ATF7: variants seen among roughly 807,000 people sequenced by gnomAD.
ATF7 encodes the protein cyclic AMP-dependent transcription factor ATF-7.
Under a neutral mutation model 50.4 loss-of-function variants are expected in ATF7, and 10 were observed. The observed-to-expected ratio is 0.20, with a 90% confidence interval of 0.12 to 0.34. The LOEUF is 0.34. Ranked by LOEUF, ATF7 falls within the 10% of genes least tolerant of loss-of-function variation. The probability of loss-of-function intolerance (pLI) is 1.00; values close to 1 mark genes in which losing one functional copy is unlikely to be tolerated. For synonymous variants in ATF7, 201 were observed against 226.4 expected, an observed-to-expected ratio of 0.89 and a Z score of 1.01; for missense variants, 465 against 613.9, an observed-to-expected ratio of 0.76 and a Z score of 2.56.
chr12:53,534,150 G>A (rs1055884406), intron 6 of ATF7, among the ~76,000 whole-genome samples: 4 of 152,004 alleles, frequency 2.6e-5, no homozygotes, highest in South Asian at 2.1e-4. Context: ...GGTTGCAGGC[G>A]CCTGTGTTCC....
intron 2 of ATF7, among the ~76,000 whole-genome samples, chr12:53,573,621 A>G (rs149393928): frequency 6.6e-6 from 1 of 152,204 alleles, no homozygotes; most frequent in East Asian, 1.9e-4. Context: ...AGGGTTTGGT[A>G]CTATCTGGTT....
chr12:53,606,553 C>T (rs373086302), intron 1 of ATF7, among the ~76,000 whole-genome samples: 2 of 151,486 alleles, frequency 1.3e-5, no homozygotes, highest in African/African-American at 2.4e-5. Flanking sequence ...TGGCCTGGCA[C>T]GTTTTTTTTT....
intron 1 of ATF7, among the ~76,000 whole-genome samples, chr12:53,621,425 A>T (rs1944372899): frequency 6.6e-6 from 1 of 152,208 alleles, no homozygotes; most frequent in Non-Finnish European, 1.5e-5. Flanking sequence ...GACATTATCA[A>T]GCTAAAACAA....
intron 11 of ATF7, among the ~76,000 whole-genome samples, chr12:53,521,976 A>G (rs1337819837): frequency 1.3e-5 from 2 of 152,254 alleles, no homozygotes; most frequent in Non-Finnish European, 2.9e-5. Context: ...ACAATATATC[A>G]AAGTTTGAGA....
chr12:53,527,030 A>G (rs1344974928), intron 9 of ATF7, among the ~76,000 whole-genome samples: 2 of 150,278 alleles, frequency 1.3e-5, no homozygotes, highest in Non-Finnish European at 3.0e-5. Flanking sequence ...ATGGTGGCGC[A>G]TGCCTGTAAT....
In ATF7 at chr12:53,516,888, G is replaced by A. The variant is rs1937737524; in HGVS notation, c.*249C>T. 2 of 551,286 alleles carry A rather than the reference G, an allele frequency of 3.6e-6. No homozygotes were observed. Among genetic ancestry groups the A allele is most frequent in the Non-Finnish European group, 6.5e-6 (2 of 305,460 alleles). The allele number at this position is 551,286 out of a possible 1,614,324, so 34.1% of individuals were successfully genotyped here. On this transcript the variant is annotated 3_prime_UTR_variant, in exon 12 of 12. Coordinates refer to ENST00000420353, the MANE Select transcript of ATF7 (RefSeq NM_006856.3). ...GGACCATCTGGAAAGGCCTTTGGCT[G>A]TGGATGCATCAGAAACCCCACCCTG...
chr12:53,509,089 G>C (rs1944078892), downstream of ATF7, among the ~76,000 whole-genome samples: 1 of 152,166 alleles, frequency 6.6e-6, no homozygotes, highest in Non-Finnish European at 1.5e-5. Flanking sequence ...TCTCTAGCTT[G>C]TGCTGAGGAA....
intron 2 of ATF7, among the ~76,000 whole-genome samples, chr12:53,595,694 A>C (rs1943122589): frequency 6.6e-6 from 1 of 152,188 alleles, no homozygotes; most frequent in Non-Finnish European, 1.5e-5. Context: ...CAGGACTACA[A>C]CACCATAAAC....
chr12:53,582,287 C>G (rs982952809), intron 2 of ATF7, among the ~76,000 whole-genome samples: 1 of 150,740 alleles, frequency 6.6e-6, no homozygotes, highest in East Asian at 2.0e-4. Context: ...CGAGATCATG[C>G]CACTACACTC....
At chr12:53,521,119 AG>A (rs1389817766) in intron 11 of ATF7, among the ~76,000 whole-genome samples, 3 of 152,036 alleles carry the variant, frequency 2.0e-5, no homozygotes, top group African/African-American at 7.2e-5. Context: ...CAGGCTCCCA[AG>A]TAGCTGGGAT....
At chr12:53,555,299 T>C (rs895038730) in intron 2 of ATF7, among the ~76,000 whole-genome samples, 17 of 147,734 alleles carry the variant, frequency 1.2e-4, no homozygotes, top group Non-Finnish European at 2.1e-4. Context: ...CACTCCAGCC[T>C]GGGCAACAAC....
intron 9 of ATF7, among the ~76,000 whole-genome samples, chr12:53,526,208 CA>C (rs558563596): frequency 0.045 from 5,470 of 120,926 alleles, 173 homozygotes; most frequent in East Asian, 0.21. Flanking sequence ...AACTCGGTCT[CA>C]AAAAAAAAAA....
At chr12:53,581,128 AAAAAAT>A (rs1207600919) in intron 2 of ATF7, among the ~76,000 whole-genome samples, 2 of 151,948 alleles carry the variant, frequency 1.3e-5, no homozygotes, top group Non-Finnish European at 2.9e-5. Flanking sequence ...AAAAATAAAT[AAAAAAT>A]AAAAATAAAA....
chr12:53,517,338 G>A lies in ATF7; in HGVS notation c.1251C>T (p.Ser417=). The A allele has an allele frequency of 6.2e-7, 1 of 1,613,592 alleles. No individual in the cohort carries two copies. The highest frequency in any genetic ancestry group is 8.5e-7 in the Non-Finnish European group (1 of 1,179,732). The part of the protein sequence containing the change: ...TQGYLESPKE[S]SEPTGSPAPV... The stretch of plus-strand genomic sequence containing the variant: ...GGGCTGGAGAACCCGTTGGCTCTGA[G>A]CTTTCCTTGGGGCTTTCTGCCAGGA... The change falls in exon 12 of 12, where the codon AGC becomes AGT. Residue 417 remains serine (S), a synonymous_variant. Coordinates refer to ENST00000420353, the MANE Select transcript of ATF7 (RefSeq NM_006856.3).
At chr12:53,574,841 C>T (rs1458027281) in intron 2 of ATF7, 3 of 325,280 alleles carry the variant, frequency 9.2e-6, no homozygotes, top group Non-Finnish European at 1.2e-5. Flanking sequence ...AAGAAATAGA[C>T]ATATATTAAA....
chr12:53,605,302 T>C (rs778766767), intron 1 of ATF7, among the ~76,000 whole-genome samples: 3 of 151,202 alleles, frequency 2.0e-5, no homozygotes. Flanking sequence ...GGCAGGAGAA[T>C]TGCTTGAACC....
downstream of ATF7, among the ~76,000 whole-genome samples, chr12:53,508,639 CAG>C (rs2137282592): frequency 6.6e-6 from 1 of 152,178 alleles, no homozygotes; most frequent in Non-Finnish European, 1.5e-5. Flanking sequence ...CCAATCTTTG[CAG>C]ACAGACCCCC....
intron 9 of ATF7, among the ~76,000 whole-genome samples, chr12:53,529,771 C>T (rs1313773911): frequency 8.2e-5 from 11 of 134,094 alleles, no homozygotes; most frequent in Non-Finnish European, 1.2e-4. Flanking sequence ...GATGGAGTCT[C>T]GCTCTGTAGC....
intron 4 of ATF7, among the ~76,000 whole-genome samples, chr12:53,539,357 T>C (rs1939402878): frequency 6.6e-6 from 1 of 152,124 alleles, no homozygotes; most frequent in Non-Finnish European, 1.5e-5. Flanking sequence ...GGTGGGAGGA[T>C]CACCTGAGGC....
Sources: allele counts gnomAD v4.1 joint callset (sites outside exome capture counted in the v4.1 genomes callset), GRCh38; gene constraint gnomAD v4.1.1; transcripts MANE v1.5; gene names NCBI Gene and HGNC (gene_info 2026-07-23, HGNC 2026-07-21).